ENO4: variants seen among roughly 807,000 people sequenced by gnomAD.
ENO4 encodes enolase 4, also known as 2-phospho-D-glycerate hydro-lyase.
A neutral mutation model predicts 63.2 loss-of-function variants in ENO4; 53 were observed. That is an observed-to-expected ratio of 0.84 (90% CI 0.67 to 1.05). The LOEUF (loss-of-function observed/expected upper bound fraction) is 1.05. Among genes scored for constraint, ENO4 ranks in the 50% least tolerant of loss-of-function variants. The probability of loss-of-function intolerance (pLI) is 0.00; values close to 1 mark genes in which losing one functional copy is unlikely to be tolerated. For synonymous variants in ENO4, 266 were observed against 283.8 expected (o/e 0.94, Z 0.63); for missense variants, 719 against 772.0 (o/e 0.93, Z 0.81).
chr10:116,851,940 C>T (rs572661638), intron 1 of ENO4, among the ~76,000 whole-genome samples: 1 of 152,300 alleles, frequency 6.6e-6, no homozygotes, highest in South Asian at 2.1e-4. Context: ...TTCTGTCCCT[C>T]TCCAACATTG....
intron 10 of ENO4, chr10:116,911,483 C>G (rs560408956): frequency 3.9e-6 from 6 of 1,550,288 alleles, no homozygotes; most frequent in Middle Eastern, 1.7e-4. Context: ...ATGTACGGAC[C>G]CTTACATATG....
intron 10 of ENO4, among the ~76,000 whole-genome samples, chr10:116,907,270 C>T (rs779704800): frequency 5.3e-5 from 8 of 152,026 alleles, no homozygotes; most frequent in Non-Finnish European, 7.4e-5. Context: ...CTCCAGGGGC[C>T]GACCCAAAGA....
At chr10:116,901,318 G>A (rs767657661) in intron 10 of ENO4, 17 of 984,996 alleles carry the variant, frequency 1.7e-5, no homozygotes, top group African/African-American at 3.5e-5. Context: ...TCAGGATAGA[G>A]CAATATTAGG....
At chr10:116,887,112 A>G (rs1161753538), downstream of ENO4, among the ~76,000 whole-genome samples, 1 of 152,150 alleles carries the variant, frequency 6.6e-6, no homozygotes, top group East Asian at 1.9e-4. Context: ...AGACTTCAGG[A>G]GGGGGTGGTG....
At chr10:116,900,411 CA>C in intron 10 of ENO4, 1 of 804,476 alleles carries the variant, frequency 1.2e-6, no homozygotes, top group South Asian at 1.6e-5. Context: ...CAATTCAACA[CA>C]TATTTTGCAG....
chr10:116,855,225 G>A (rs548177391), intron 1 of ENO4, among the ~76,000 whole-genome samples: 2 of 151,476 alleles, frequency 1.3e-5, no homozygotes, highest in African/African-American at 2.4e-5. Context: ...CCTGGGAGGC[G>A]GAGAATGCAG....
At chr10:116,904,037 T>C (rs915999614) in intron 10 of ENO4, among the ~76,000 whole-genome samples, 2 of 152,170 alleles carry the variant, frequency 1.3e-5, no homozygotes, top group African/African-American at 4.8e-5. Context: ...ACAACATCCT[T>C]TGTCCCTGGG....
At chr10:116,888,564 A>T (rs1428833156) in intron 10 of ENO4, among the ~76,000 whole-genome samples, 1 of 152,200 alleles carries the variant, frequency 6.6e-6, no homozygotes, top group Non-Finnish European at 1.5e-5. Flanking sequence ...CTCTCTCACA[A>T]GCACCAATCT....
chr10:116,876,688 T>C (rs754995386), intron 11 of ENO4, among the ~76,000 whole-genome samples: 1 of 152,216 alleles, frequency 6.6e-6, no homozygotes, highest in African/African-American at 2.4e-5. Flanking sequence ...CAGTGGCTCA[T>C]GCCTGTAATC....
At chr10:116,868,313 C>G (rs1036988777) in intron 7 of ENO4, among the ~76,000 whole-genome samples, 1 of 152,198 alleles carries the variant, frequency 6.6e-6, no homozygotes, top group Non-Finnish European at 1.5e-5. Flanking sequence ...GGTGCCTGCA[C>G]ACAGCAGGAG....
chr10:116,886,505 C>G, downstream of ENO4: 1 of 1,614,138 alleles, frequency 6.2e-7, no homozygotes, highest in Middle Eastern at 1.6e-4. Context: ...AAAACTACAA[C>G]TGGTTCGGCT....
At chr10:116,869,770 TTC>T (rs1400330523) in intron 8 of ENO4, among the ~76,000 whole-genome samples, 3 of 152,176 alleles carry the variant, frequency 2.0e-5, no homozygotes, top group Non-Finnish European at 4.4e-5. Flanking sequence ...CTACTACTTT[TTC>T]TTTTTCCCAT....
At chr10:116,909,388 T>C (rs1173320345) in intron 10 of ENO4, among the ~76,000 whole-genome samples, 1 of 152,208 alleles carries the variant, frequency 6.6e-6, no homozygotes, top group Non-Finnish European at 1.5e-5. Context: ...CATAATACAA[T>C]TTTTTAAAAA....
downstream of ENO4, chr10:116,886,706 C>A: frequency 8.6e-7 from 1 of 1,161,726 alleles, no homozygotes. Context: ...TTTGAGATGC[C>A]AGCCATTTAA....
At chr10:116,885,670 T>C (rs1847143559), downstream of ENO4, 1 of 152,368 alleles carries the variant, frequency 6.6e-6, no homozygotes, top group Non-Finnish European at 1.5e-5. Flanking sequence ...TTCACCTCAG[T>C]TCTGTATTCA....
At chr10:116,901,706 A>G (rs1246210373) in intron 10 of ENO4, 1 of 1,431,756 alleles carries the variant, frequency 7.0e-7, no homozygotes, top group African/African-American at 1.5e-5. Flanking sequence ...AAAGAAACAC[A>G]CAAGTTAGTC....
intron 10 of ENO4, chr10:116,901,443 G>A (rs184410796): frequency 6.9e-5 from 68 of 985,170 alleles, no homozygotes; most frequent in East Asian, 6.8e-4. Flanking sequence ...AGGGATGATC[G>A]ATGTATTTAA....
chr10:116,866,345 A>T (rs1221216977), intron 7 of ENO4, among the ~76,000 whole-genome samples: 1 of 152,188 alleles, frequency 6.6e-6, no homozygotes, highest in Admixed American at 6.5e-5. Flanking sequence ...AGATATCAAA[A>T]ACCATCACTA....
intron 10 of ENO4, among the ~76,000 whole-genome samples, chr10:116,891,332 T>A (rs1160467677): frequency 1.3e-5 from 2 of 152,252 alleles, no homozygotes; most frequent in Non-Finnish European, 2.9e-5. Context: ...ACAGCTGGAC[T>A]ATTTAACACA....
Sources: allele counts gnomAD v4.1 joint callset (sites outside exome capture counted in the v4.1 genomes callset), GRCh38; gene constraint gnomAD v4.1.1; transcripts MANE v1.5; gene names NCBI Gene and HGNC (gene_info 2026-07-23, HGNC 2026-07-21).